Variants in TMBIM6 observed in about 807,000 individuals in gnomAD.
TMBIM6 encodes transmembrane BAX inhibitor motif containing 6, also known as bax inhibitor 1.
Under a neutral mutation model 31.4 loss-of-function variants are expected in TMBIM6, and 13 were observed. The ratio of observed to expected loss-of-function variants is 0.41; its 90% CI spans 0.27 to 0.66. The LOEUF (loss-of-function observed/expected upper bound fraction) is 0.66. TMBIM6 is among the 30% of genes least tolerant of loss of function. The probability of loss-of-function intolerance (pLI) is 0.28; values close to 1 mark genes in which losing one functional copy is unlikely to be tolerated. For missense variants in TMBIM6, 275 were observed against 289.5 expected (o/e 0.95, Z 0.36); for synonymous variants, 85 against 101.7 (o/e 0.84, Z 0.99).
At position 49,759,263 on chromosome 12, in the gene TMBIM6, C is replaced by G. The variant is rs1214174567; in HGVS notation, c.556C>G (p.Leu186Val). ...VGLVVMCGFV[L>V]FDTQLIIEKA... The stretch of plus-strand genomic sequence containing the variant: ...ACTGGTGGTCATGTGTGGCTTCGTC[C>G]TTTTTGATACTCAACTCATTATTGA... Residue 186 changes from leucine to valine, a missense_variant, in exon 8 of 10, where the codon CTT becomes GTT. By Grantham distance (32) the Leu-to-Val change is conservative. Transcript: ENST00000267115. The G allele has an allele frequency of 1.9e-6, 3 of 1,613,988 alleles. No individual in the cohort carries two copies. Among genetic ancestry groups the G allele is most frequent in the Non-Finnish European group, 1.7e-6 (2 of 1,180,046 alleles).
intron 9 of TMBIM6, 141 bp downstream of exon 9, chr12:49,761,920 G>A (rs1945727255): frequency 6.8e-6 from 5 of 730,496 alleles, no homozygotes; most frequent in South Asian, 2.3e-5. Context: ...TAAGAGGTAA[G>A]CCAGAAGTCT....
intron 3 of TMBIM6, among the ~76,000 whole-genome samples, chr12:49,753,739 C>T (rs1945537880): frequency 6.6e-6 from 1 of 152,196 alleles, no homozygotes; most frequent in Admixed American, 6.5e-5. Flanking sequence ...CATCTCCTGG[C>T]AGGGATTGTG....
rs765950501 is a variant in TMBIM6 at position 49,759,315 on chromosome 12, A to G, written c.608A>G (p.Tyr203Cys). The G allele has an allele frequency of 1.3e-5, 21 of 1,613,244 alleles. No individual in the cohort carries two copies. The highest frequency in any genetic ancestry group is 1.7e-5 in the Admixed American group (1 of 60,014). The stretch of plus-strand genomic sequence containing the variant: ...AAGGCCGAACATGGAGATCAAGATT[A>G]TATCTGGTGAGTGTGGGAACTAGTC... ...IEKAEHGDQD[Y>C]IWHCIDLFLD... Residue 203 changes from tyrosine (Y) to cysteine (C), a missense_variant, in exon 8 of 10, where the codon TAT becomes TGT. Transcript: ENST00000267115.
At chr12:49,742,312 G>A in intron 1 of TMBIM6, 2 of 1,537,442 alleles carry the variant, frequency 1.3e-6, no homozygotes, top group South Asian at 1.3e-5. Context: ...TGGTCTTGAG[G>A]TTTTGTGGGC....
Position 49,764,878 on chromosome 12 carries a change from TATATG to T in TMBIM6, c.*1984_*1988del, listed in dbSNP as rs1339915508. ...GACAAAGGTGTTTTTGATTCAGAAA[TATATG>T]AAATCTGCATAGTCTTAATTTGTAA... is the stretch of plus-strand genomic sequence containing the variant. On this transcript the variant is annotated 3_prime_UTR_variant, in exon 10 of 10. Transcript: ENST00000267115. The T allele has an allele frequency of 6.6e-6, 1 of 152,174 alleles. No individual in the cohort carries two copies. Among genetic ancestry groups the T allele is most frequent in the Non-Finnish European group, 1.5e-5 (1 of 68,036 alleles). 9.4% of individuals were successfully genotyped at this position (152,174 alleles called of 1,614,324 possible).
At chr12:49,741,886 G>T in intron 1 of TMBIM6, 1 of 555,612 alleles carries the variant, frequency 1.8e-6, no homozygotes, top group East Asian at 3.6e-5. Flanking sequence ...TTCTGCCCCA[G>T]AGCGCTGGCG....
At chr12:49,758,870 T>C in intron 7 of TMBIM6, 108 bp downstream of exon 7, 1 of 953,104 alleles carries the variant, frequency 1.0e-6, no homozygotes, top group Non-Finnish European at 1.6e-6. Flanking sequence ...CAGTGCTCTC[T>C]AAGCCTTCCC....
At chr12:49,746,433 A>C (rs546377135) in intron 1 of TMBIM6, among the ~76,000 whole-genome samples, 1 of 152,308 alleles carries the variant, frequency 6.6e-6, no homozygotes, top group African/African-American at 2.4e-5. Flanking sequence ...AGTAATAACA[A>C]TGTTAGTACA....
intron 4 of TMBIM6, among the ~76,000 whole-genome samples, chr12:49,757,793 C>G (rs960343230): frequency 2.6e-5 from 4 of 152,258 alleles, no homozygotes; most frequent in African/African-American, 9.6e-5. Flanking sequence ...CAGAACCAGT[C>G]TCACCTTTCT....
chr12:49,754,949 TTTG>T (rs1945561562), intron 3 of TMBIM6, among the ~76,000 whole-genome samples: 1 of 152,034 alleles, frequency 6.6e-6, no homozygotes, highest in Non-Finnish European at 1.5e-5. Context: ...GTTTGGGGGT[TTTG>T]TTTGTTGGTT....
intron 1 of TMBIM6, among the ~76,000 whole-genome samples, chr12:49,745,352 G>C (rs770354345): frequency 1.4e-4 from 22 of 152,156 alleles, no homozygotes; most frequent in Non-Finnish European, 1.6e-4. Context: ...CAAAAGTACA[G>C]ACGGGCCCCA....
intron 1 of TMBIM6, chr12:49,742,200 G>T (rs766617632): frequency 3.1e-6 from 5 of 1,613,178 alleles, no homozygotes; most frequent in Admixed American, 1.7e-5. Flanking sequence ...GAGGCGGGAA[G>T]TGAGAGGAGT....
chr12:49,745,457 G>A (rs752649713), intron 1 of TMBIM6, among the ~76,000 whole-genome samples: 76 of 152,298 alleles, frequency 5.0e-4, no homozygotes, highest in Admixed American at 1.6e-3. Context: ...AGGCATGGTG[G>A]CTCATGCCTG....
At position 49,749,441 on chromosome 12, in the gene TMBIM6, G is replaced by GTTTTTTTTTGT. The variant is rs1555228475; in HGVS notation, c.-30-3013_-30-3012insTTTTTTTTTTG. Among the ~76,000 whole-genome samples, 13 of 146,048 alleles carry GTTTTTTTTTGT rather than the reference G, an allele frequency of 8.9e-5. 1 individual carries two copies. The highest frequency in any genetic ancestry group is 1.3e-4 in the Non-Finnish European group (9 of 67,172). ...CCTTTTCTTTTTGTAAGTCATTTTT[G>GTTTTTTTTTGT]TTTTTTTTTGAAACGGAGTCTCGCT... On this transcript the variant is annotated intron_variant, in intron 1 of 9. Coordinates refer to ENST00000267115, the MANE Select transcript of TMBIM6 (RefSeq NM_003217.3).
At chr12:49,747,269 T>G (rs999801986) in intron 1 of TMBIM6, among the ~76,000 whole-genome samples, 1 of 152,148 alleles carries the variant, frequency 6.6e-6, no homozygotes, top group Non-Finnish European at 1.5e-5. Context: ...ATTGACAAAC[T>G]AATTTTTTTG....
intron 7 of TMBIM6, 53 bp downstream of exon 7, chr12:49,758,815 T>A (rs1332058194): frequency 7.6e-6 from 11 of 1,455,734 alleles, no homozygotes; most frequent in Non-Finnish European, 1.0e-5. Flanking sequence ...ACTTCTTTCT[T>A]TCCTTTTTTT....
At chr12:49,751,701 T>C (rs1377465407) in intron 1 of TMBIM6, among the ~76,000 whole-genome samples, 2 of 151,968 alleles carry the variant, frequency 1.3e-5, no homozygotes, top group Non-Finnish European at 2.9e-5. Context: ...TTTTGTTTGT[T>C]TTGTTAAGAC....
chr12:49,761,083 G>T (rs12301239), intron 8 of TMBIM6, among the ~76,000 whole-genome samples: 162 of 152,064 alleles, frequency 1.1e-3, no homozygotes, highest in African/African-American at 3.5e-3. Flanking sequence ...GGTGATGCCC[G>T]CCTCAGCCTT....
rs1057338722 is a variant in TMBIM6 at position 49,764,354 on chromosome 12, C to A, written c.*1458C>A. On this transcript the variant is annotated 3_prime_UTR_variant, in exon 10 of 10. Coordinates refer to ENST00000267115, the MANE Select transcript of TMBIM6 (RefSeq NM_003217.3). ...TGGCTCTCCCTATTCACAACCAGTG[C>A]ACAGTTTGACACAGTGGCCTCAGGT... 2.6e-5 allele frequency: 4 copies of A among 152,192 alleles called. No individual in the cohort carries two copies. Among genetic ancestry groups the A allele is most frequent in the African/African-American group, 9.7e-5 (4 of 41,440 alleles). The allele number at this position is 152,192 out of a possible 1,614,324, so 9.4% of individuals were successfully genotyped here. A position where few individuals can be genotyped will look rare whatever the true frequency, so the allele number is the denominator to read the frequency against.
Sources: gnomAD v4.1 joint callset for allele counts (sites outside exome capture counted in the v4.1 genomes callset) on GRCh38, gnomAD v4.1.1 for gene constraint, MANE v1.5 for transcripts, NCBI Gene and HGNC (gene_info 2026-07-23, HGNC 2026-07-21) for gene names.